Variants in PDZD8 observed in about 807,000 individuals in gnomAD.
The protein encoded by PDZD8 is PDZ domain-containing protein 8.
Under a neutral mutation model 85.8 loss-of-function variants are expected in PDZD8, and 14 were observed. That is an observed-to-expected ratio of 0.16 (90% CI 0.11 to 0.26). PDZD8 has a LOEUF of 0.26. Among genes scored for constraint, PDZD8 ranks in the 10% least tolerant of loss-of-function variants. PDZD8 has a pLI of 1.00. For synonymous variants in PDZD8, 592 were observed against 568.6 expected, an observed-to-expected ratio of 1.04 and a Z score of -0.59; for missense variants, 1,197 against 1,424.3, an observed-to-expected ratio of 0.84 and a Z score of 2.57.
In PDZD8 at chr10:117,283,743, G is replaced by T. The variant is rs1347318498; in HGVS notation, c.2990C>A (p.Thr997Lys). The change falls in exon 5 of 5, where the codon ACA becomes AAA. Residue 997 changes from threonine to lysine, a missense_variant. Coordinates refer to ENST00000334464, the MANE Select transcript of PDZD8 (RefSeq NM_173791.5). The part of the protein sequence containing the change: ...PNSPSKRGNS[T>K]GIKLVRKEGG... Reference sequence around the variant, plus strand: ...CTCTTTTCTCACTAACTTTATTCCTGTGCTGTTTCCCCGTTTAGAAGGACT... The same window carrying T: ...CTCTTTTCTCACTAACTTTATTCCTTTGCTGTTTCCCCGTTTAGAAGGACT... 1 of 1,614,080 alleles carries T rather than the reference G, an allele frequency of 6.2e-7. No individual in the cohort carries two copies. The highest frequency in any genetic ancestry group is 1.7e-5 in the Admixed American group (1 of 60,014).
At chr10:117,300,523 T>C (rs996987039) in intron 3 of PDZD8, among the ~76,000 whole-genome samples, 10 of 152,184 alleles carry the variant, frequency 6.6e-5, no homozygotes, top group African/African-American at 2.4e-4. Context: ...TAAAATTTAG[T>C]CCTTCTGCTC....
In PDZD8 at chr10:117,281,785, G is replaced by C. The variant is rs566848363; in HGVS notation, c.*1483C>G. On this transcript the variant is annotated 3_prime_UTR_variant, in exon 5 of 5. Coordinates refer to ENST00000334464, the MANE Select transcript of PDZD8 (RefSeq NM_173791.5). ...TATGGAGTCCTGGAGTCTAGACCTG[G>C]GCCCCAGTCCTTAATATTACACCAT... The C allele has an allele frequency of 1.3e-5, 2 of 152,176 alleles. No individual in the cohort carries two copies. Among genetic ancestry groups the C allele is most frequent in the African/African-American group, 2.4e-5 (1 of 41,496 alleles). The allele number at this position is 152,176 out of a possible 1,614,324, so 9.4% of individuals were successfully genotyped here.
intron 3 of PDZD8, among the ~76,000 whole-genome samples, chr10:117,291,044 A>AT (rs1211174700): frequency 6.6e-6 from 1 of 150,548 alleles, no homozygotes. Flanking sequence ...AAGTTTTTGT[A>AT]TTTTTTTGTG....
At chr10:117,373,091 T>C (rs910942269) in intron 1 of PDZD8, among the ~76,000 whole-genome samples, 1 of 152,082 alleles carries the variant, frequency 6.6e-6, no homozygotes, top group Non-Finnish European at 1.5e-5. Context: ...AAAGAGAAGT[T>C]AAAAATTCAG....
At chr10:117,307,897 A>G (rs1005609543) in intron 3 of PDZD8, among the ~76,000 whole-genome samples, 8 of 152,070 alleles carry the variant, frequency 5.3e-5, no homozygotes, top group African/African-American at 1.9e-4. Flanking sequence ...CTTTTAGCTT[A>G]TTCATTTTAA....
At chr10:117,290,605 T>G (rs1448169971) in intron 3 of PDZD8, among the ~76,000 whole-genome samples, 2 of 152,154 alleles carry the variant, frequency 1.3e-5, no homozygotes, top group African/African-American at 4.8e-5. Flanking sequence ...CCATGCTCAT[T>G]GTAGAAAATT....
chr10:117,338,716 T>C (rs1844558152), intron 2 of PDZD8, among the ~76,000 whole-genome samples: 1 of 152,228 alleles, frequency 6.6e-6, no homozygotes, highest in Non-Finnish European at 1.5e-5. Flanking sequence ...TCACACATTC[T>C]AATGCTTTTC....
At chr10:117,290,942 T>C (rs1844749568) in intron 3 of PDZD8, among the ~76,000 whole-genome samples, 1 of 147,254 alleles carries the variant, frequency 6.8e-6, no homozygotes, top group African/African-American at 2.5e-5. Flanking sequence ...CAATCCTGGC[T>C]CACTGCAACC....
At chr10:117,346,786 G>C (rs1485569559) in intron 1 of PDZD8, among the ~76,000 whole-genome samples, 1 of 151,746 alleles carries the variant, frequency 6.6e-6, no homozygotes, top group African/African-American at 2.4e-5. Flanking sequence ...GTAAAACCAC[G>C]TACAGGCATC....
At chr10:117,358,041 T>G (rs1844931440) in intron 1 of PDZD8, among the ~76,000 whole-genome samples, 1 of 152,090 alleles carries the variant, frequency 6.6e-6, no homozygotes, top group African/African-American at 2.4e-5. Flanking sequence ...CTGTTAAAGA[T>G]GAGTGACAGA....
chr10:117,302,240 A>T (rs1843859355), intron 3 of PDZD8, among the ~76,000 whole-genome samples: 1 of 152,198 alleles, frequency 6.6e-6, no homozygotes, highest in Non-Finnish European at 1.5e-5. Flanking sequence ...AACCCACTAT[A>T]TTCTCAATCA....
intron 1 of PDZD8, among the ~76,000 whole-genome samples, chr10:117,355,983 T>A (rs1844887468): frequency 1.3e-5 from 2 of 152,196 alleles, no homozygotes; most frequent in South Asian, 2.1e-4. Context: ...TTCTATTTTT[T>A]AAAACTCTTA....
At chr10:117,323,001 GTACTCAGCCTT>G (rs530073530) in intron 2 of PDZD8, among the ~76,000 whole-genome samples, 3 of 152,258 alleles carry the variant, frequency 2.0e-5, no homozygotes, top group Non-Finnish European at 4.4e-5. Context: ...GAAGAGCTGA[GTACTCAGCCTT>G]CTGACTACAC....
chr10:117,362,264 G>A (rs529888636), intron 1 of PDZD8, among the ~76,000 whole-genome samples: 8 of 152,070 alleles, frequency 5.3e-5, no homozygotes, highest in Non-Finnish European at 7.4e-5. Context: ...TTAAACCTAT[G>A]CCAGGATAAG....
chr10:117,370,528 A>T (rs1263485107), intron 1 of PDZD8, among the ~76,000 whole-genome samples: 1 of 152,210 alleles, frequency 6.6e-6, no homozygotes, highest in Admixed American at 6.5e-5. Context: ...AGCTCTACTA[A>T]GAAGATTAGA....
intron 2 of PDZD8, among the ~76,000 whole-genome samples, chr10:117,333,235 T>C (rs1844461079): frequency 1.3e-5 from 2 of 151,146 alleles, no homozygotes; most frequent in South Asian, 4.2e-4. Flanking sequence ...ACTGAGCAAG[T>C]AACTTGTGGA....
At chr10:117,364,562 T>A (rs1182923566) in intron 1 of PDZD8, among the ~76,000 whole-genome samples, 1 of 152,032 alleles carries the variant, frequency 6.6e-6, no homozygotes, top group Non-Finnish European at 1.5e-5. Context: ...CTATTTTTTT[T>A]AACATAATAT....
intron 1 of PDZD8, among the ~76,000 whole-genome samples, chr10:117,363,388 T>C (rs1845030894): frequency 6.6e-6 from 1 of 152,148 alleles, no homozygotes; most frequent in Non-Finnish European, 1.5e-5. Flanking sequence ...AACATAGTCA[T>C]TTTTCAAAAT....
intron 2 of PDZD8, 93 bp downstream of exon 2, chr10:117,340,887 A>G: frequency 7.3e-7 from 1 of 1,378,044 alleles, no homozygotes; most frequent in Non-Finnish European, 9.8e-7. Context: ...AAATAATATA[A>G]TTTAAATGAA....
Sources: gnomAD v4.1 joint callset for allele counts (sites outside exome capture counted in the v4.1 genomes callset) on GRCh38, gnomAD v4.1.1 for gene constraint, MANE v1.5 for transcripts, NCBI Gene and HGNC (gene_info 2026-07-23, HGNC 2026-07-21) for gene names.